Variants in MRPL13 observed in about 807,000 individuals in gnomAD.
MRPL13 encodes large ribosomal subunit protein uL13m.
A neutral mutation model predicts 29.0 loss-of-function variants in MRPL13; 33 were observed. The ratio of observed to expected loss-of-function variants is 1.14; its 90% CI spans 0.86 to 1.52. The LOEUF (loss-of-function observed/expected upper bound fraction) is 1.52, where lower values mean the gene tolerates loss of function less well. MRPL13 is among the 40% of genes most tolerant of loss of function. MRPL13 has a pLI of 0.00. For synonymous variants in MRPL13, 77 were observed against 68.4 expected, an observed-to-expected ratio of 1.13 and a Z score of -0.62; for missense variants, 227 against 216.7, an observed-to-expected ratio of 1.05 and a Z score of -0.30.
intron 5 of MRPL13, 136 bp downstream of exon 5, chr8:120,419,716 A>C: frequency 1.8e-6 from 1 of 561,560 alleles, no homozygotes; most frequent in East Asian, 3.3e-5. Flanking sequence ...ATACATATTC[A>C]TTTAAAAATA....
chr8:120,422,472 G>T (rs1354015280), intron 4 of MRPL13, among the ~76,000 whole-genome samples: 2 of 150,672 alleles, frequency 1.3e-5, no homozygotes, highest in Non-Finnish European at 3.0e-5. Flanking sequence ...AATACACAAA[G>T]AAATAAACAT....
chr8:120,401,030 AC>A (rs1175710449), intron 6 of MRPL13, among the ~76,000 whole-genome samples: 7 of 151,914 alleles, frequency 4.6e-5, no homozygotes, highest in African/African-American at 1.4e-4. Context: ...CAAAAAACAA[AC>A]CCACAACCAG....
intron 5 of MRPL13, 32 bp downstream of exon 5, chr8:120,419,819 GA>G: frequency 6.6e-7 from 1 of 1,507,336 alleles, no homozygotes; most frequent in Non-Finnish European, 8.9e-7. Context: ...GAAAATTTTG[GA>G]AAAGCATTGT....
chr8:120,411,652 G>GT (rs1812740750), intron 6 of MRPL13, among the ~76,000 whole-genome samples: 1 of 152,062 alleles, frequency 6.6e-6, no homozygotes, highest in African/African-American at 2.4e-5. Context: ...TAACATATGC[G>GT]TGTGACTATT....
intron 4 of MRPL13, among the ~76,000 whole-genome samples, chr8:120,421,793 T>C (rs2130469756): frequency 6.6e-6 from 1 of 151,934 alleles, no homozygotes; most frequent in African/African-American, 2.4e-5. Flanking sequence ...ATTTTTAACA[T>C]GAAAGTTATA....
intron 6 of MRPL13, among the ~76,000 whole-genome samples, chr8:120,401,827 A>G (rs556947568): frequency 6.6e-6 from 1 of 152,324 alleles, no homozygotes; most frequent in Admixed American, 6.5e-5. Flanking sequence ...TCAATGTGCA[A>G]AAATTGCTAG....
At position 120,445,115 on chromosome 8, in the gene MRPL13, G is replaced by A. The variant is rs371698307; in HGVS notation, c.-21C>T. ...GACATATTCCTCTACTAGCAGGACC[G>A]TACGTCCTTCTCCTAGTAGCCACGC... On this transcript the variant is annotated 5_prime_UTR_variant, in exon 1 of 7. It adds an upstream start codon to the 5' untranslated region. Coordinates refer to ENST00000306185, the MANE Select transcript of MRPL13 (RefSeq NM_014078.6). The A allele has an allele frequency of 1.2e-6, 2 of 1,613,792 alleles. No homozygotes were observed. Among genetic ancestry groups the A allele is most frequent in the African/African-American group, 2.7e-5 (2 of 74,874 alleles).
intron 1 of MRPL13, among the ~76,000 whole-genome samples, chr8:120,443,651 ATCTGGAGGG>A (rs1167316831): frequency 6.6e-6 from 1 of 150,834 alleles, no homozygotes; most frequent in Non-Finnish European, 1.5e-5. Context: ...ACATAATAGA[ATCTGGAGGG>A]GCAATGAGAA....
At chr8:120,445,045 A>G (rs1350040549) in intron 1 of MRPL13, 23 bp downstream of exon 1, 12 of 1,613,722 alleles carry the variant, frequency 7.4e-6, no homozygotes, top group Admixed American at 1.7e-5. Context: ...GAACCCCATC[A>G]AGCCATAAGA....
At chr8:120,402,961 G>T (rs1812617627) in intron 6 of MRPL13, among the ~76,000 whole-genome samples, 1 of 152,152 alleles carries the variant, frequency 6.6e-6, no homozygotes, top group African/African-American at 2.4e-5. Flanking sequence ...ACCATCTCAT[G>T]CCAGTCAGAA....
chr8:120,398,112 A>AC (rs1812544608), intron 6 of MRPL13, among the ~76,000 whole-genome samples: 1 of 152,182 alleles, frequency 6.6e-6, no homozygotes, highest in Admixed American at 6.5e-5. Context: ...TGGGATCCCC[A>AC]CAGTGCAGCA....
At chr8:120,437,976 T>A (rs1181079060) in intron 2 of MRPL13, among the ~76,000 whole-genome samples, 1 of 152,184 alleles carries the variant, frequency 6.6e-6, no homozygotes, top group Non-Finnish European at 1.5e-5. Context: ...AAACACAACA[T>A]ATTTATAAAT....
intron 6 of MRPL13, among the ~76,000 whole-genome samples, chr8:120,400,736 ATAAAT>A (rs1342226799): frequency 1.4e-4 from 19 of 139,918 alleles, no homozygotes; most frequent in African/African-American, 5.3e-4. Context: ...AAATAAATAA[ATAAAT>A]AAAAAAAATA....
intron 2 of MRPL13, among the ~76,000 whole-genome samples, chr8:120,442,928 T>G (rs1813140377): frequency 6.6e-6 from 1 of 152,130 alleles, no homozygotes; most frequent in Non-Finnish European, 1.5e-5. Context: ...TTTCTGAGTG[T>G]GAAAAGAAGG....
Position 120,412,576 on chromosome 8 carries a change from G to T in MRPL13, c.515+1415C>A, listed in dbSNP as rs79051916. On this transcript the variant is annotated intron_variant, in intron 6 of 6. Transcript: ENST00000306185. ...GTCAGCTACTATAGAGGCAAGATTT[G>T]AACCTTGGTTTGGATTTTTCTAAAA... Among the ~76,000 whole-genome samples, 1,301 of 152,272 alleles carry T rather than the reference G, an allele frequency of 8.5e-3. 21 individuals carry two copies. The highest frequency in any genetic ancestry group is 0.03 in the African/African-American group (1,248 of 41,556).
At chr8:120,401,995 A>G (rs367842713) in intron 6 of MRPL13, among the ~76,000 whole-genome samples, 12 of 152,232 alleles carry the variant, frequency 7.9e-5, no homozygotes, top group African/African-American at 2.4e-4. Context: ...CAAGGAAATC[A>G]GAGAGGACAC....
At chr8:120,418,344 A>C (rs1812829153) in intron 5 of MRPL13, among the ~76,000 whole-genome samples, 1 of 152,104 alleles carries the variant, frequency 6.6e-6, no homozygotes, top group African/African-American at 2.4e-5. Flanking sequence ...AATCATGTGC[A>C]TGTGTATCTT....
chr8:120,435,868 C>G lies in MRPL13; in HGVS notation c.152-3745G>C, dbSNP rs544384463. On this transcript the variant is annotated intron_variant, in intron 2 of 6. Transcript: ENST00000306185. ...CATTGTGGTTTTGACTTACACTTCT[C>G]TAATCATTAGCGATATGGGCATCTT... Among the ~76,000 whole-genome samples the G allele has an allele frequency of 4.4e-4, 67 of 152,292 alleles. 1 individual carries two copies. Among genetic ancestry groups the G allele is most frequent in the African/African-American group, 1.5e-3 (62 of 41,566 alleles).
At chr8:120,415,322 G>A (rs1812791085) in intron 5 of MRPL13, 1 of 152,146 alleles carries the variant, frequency 6.6e-6, no homozygotes, top group East Asian at 1.9e-4. Flanking sequence ...AGGAATTTTC[G>A]ATAAAAGGAT....
Sources: allele counts gnomAD v4.1 joint callset (sites outside exome capture counted in the v4.1 genomes callset), GRCh38; gene constraint gnomAD v4.1.1; transcripts MANE v1.5; gene names NCBI Gene and HGNC (gene_info 2026-07-23, HGNC 2026-07-21).